TENM2: variants seen among roughly 807,000 people sequenced by gnomAD.
The protein encoded by TENM2 is teneurin-2.
TENM2 carries 52 observed loss-of-function variants against 245.2 expected under a neutral mutation model. That is an observed-to-expected ratio of 0.21 (90% CI 0.17 to 0.27). The LOEUF (loss-of-function observed/expected upper bound fraction) is 0.27. Ranked by LOEUF, TENM2 falls within the 10% of genes least tolerant of loss-of-function variation. The pLI is 1.00. For synonymous variants in TENM2, 1,363 were observed against 1,438.9 expected (o/e 0.95, Z 1.19); for missense variants, 3,046 against 3,666.8 (o/e 0.83, Z 4.37).
intron 2 of TENM2, among the ~76,000 whole-genome samples, chr5:167,594,099 A>G (rs1268371352): frequency 2.6e-5 from 4 of 152,174 alleles, no homozygotes; most frequent in Non-Finnish European, 5.9e-5. Flanking sequence ...AATTGAAGCA[A>G]TTTAAAAATA....
the TENM2 span, among the ~76,000 whole-genome samples, chr5:167,091,471 T>G: frequency 6.6e-6 from 1 of 152,148 alleles, no homozygotes; most frequent in East Asian, 1.9e-4. Context: ...TTGTTTGATG[T>G]CAAATTGTAG....
the TENM2 span, among the ~76,000 whole-genome samples, chr5:167,225,259 C>T: frequency 5.9e-5 from 9 of 152,018 alleles, no homozygotes; most frequent in Admixed American, 5.9e-4. Flanking sequence ...AGAGGAAAAG[C>T]TTTCAACTTT....
intron 2 of TENM2, among the ~76,000 whole-genome samples, chr5:167,704,571 A>G (rs2150455195): frequency 6.6e-6 from 1 of 152,302 alleles, no homozygotes; most frequent in African/African-American, 2.4e-5. Context: ...TACCAATATT[A>G]GGTGGCATGG....
chr5:167,847,167 G>T (rs1770121925), intron 2 of TENM2, among the ~76,000 whole-genome samples: 1 of 152,154 alleles, frequency 6.6e-6, no homozygotes, highest in South Asian at 2.1e-4. Context: ...TGCCCAAGTT[G>T]ATCTTGAACT....
chr5:167,321,799 T>TTTTTTTTTGTTG (rs1361021247), intron 1 of TENM2, among the ~76,000 whole-genome samples: 1 of 19,206 alleles, frequency 5.2e-5, no homozygotes, highest in Non-Finnish European at 1.2e-4. Context: ...TTTTTTTTTT[T>TTTTTTTTTGTTG]TTGGGGGGGG....
At chr5:167,680,206 G>C (rs1049047351) in intron 2 of TENM2, among the ~76,000 whole-genome samples, 1 of 151,854 alleles carries the variant, frequency 6.6e-6, no homozygotes, top group African/African-American at 2.4e-5. Flanking sequence ...ACTGGGCATG[G>C]TGATAAAAAA....
intron 2 of TENM2, among the ~76,000 whole-genome samples, chr5:167,516,792 A>G (rs1410684330): frequency 6.6e-6 from 1 of 152,202 alleles, no homozygotes; most frequent in Non-Finnish European, 1.5e-5. Flanking sequence ...CGGCTTCATT[A>G]AAATTCTGTC....
At chr5:167,228,463 T>C in the TENM2 span, among the ~76,000 whole-genome samples, 1 of 152,092 alleles carries the variant, frequency 6.6e-6, no homozygotes, top group South Asian at 2.1e-4. Flanking sequence ...GGCAAATTTC[T>C]CATTTATATC....
chr5:167,642,044 G>A (rs528045406), intron 2 of TENM2, among the ~76,000 whole-genome samples: 8 of 151,902 alleles, frequency 5.3e-5, no homozygotes, highest in Non-Finnish European at 1.2e-4. Flanking sequence ...TGGAGGCTGA[G>A]GCAGGAGATT....
chr5:167,470,779 T>TA (rs1400498040), intron 2 of TENM2, among the ~76,000 whole-genome samples: 6 of 151,930 alleles, frequency 3.9e-5, no homozygotes, highest in Non-Finnish European at 7.4e-5. Context: ...ACAAGCGAGG[T>TA]AGCCATTTAC....
At chr5:167,469,102 C>G (rs1431869063) in intron 2 of TENM2, among the ~76,000 whole-genome samples, 1 of 152,096 alleles carries the variant, frequency 6.6e-6, no homozygotes, top group Non-Finnish European at 1.5e-5. Flanking sequence ...GTGGGATACG[C>G]TACATGGAGT....
chr5:167,578,558 G>A (rs1774869755), intron 2 of TENM2, among the ~76,000 whole-genome samples: 1 of 152,176 alleles, frequency 6.6e-6, no homozygotes, highest in Non-Finnish European at 1.5e-5. Flanking sequence ...CAGACCCGTG[G>A]TTTAGAAGGT....
intron 2 of TENM2, among the ~76,000 whole-genome samples, chr5:167,813,641 T>C (rs1766811912): frequency 6.6e-6 from 1 of 152,138 alleles, no homozygotes; most frequent in Non-Finnish European, 1.5e-5. Flanking sequence ...CTTCAACCAC[T>C]GGCCCAGTCA....
rs368827267 is a variant in TENM2, at chr5:167,718,179, A to G, written c.503-157807A>G. ...TTGCAAAGTCAAGCTCGGGGGATCT[A>G]TCACCCAATTTATTTTTGTATAAAT... On this transcript the variant is annotated intron_variant, in intron 2 of 28. Coordinates refer to ENST00000518659, the Ensembl canonical transcript of TENM2. Among the ~76,000 whole-genome samples, 8 of 152,286 alleles carry G rather than the reference A, an allele frequency of 5.3e-5. No homozygotes were observed. The South Asian group carries it at 8.3e-4, about 16-fold the overall frequency.
chr5:167,920,478 A>G (rs1235699525), intron 3 of TENM2, among the ~76,000 whole-genome samples: 1 of 150,100 alleles, frequency 6.7e-6, no homozygotes, highest in Non-Finnish European at 1.5e-5. Context: ...AGCTCGTGCC[A>G]CTGTACTGCA....
At chr5:167,140,939 GAGGCAGTGC>G in the TENM2 span, among the ~76,000 whole-genome samples, 6 of 152,194 alleles carry the variant, frequency 3.9e-5, no homozygotes, top group African/African-American at 1.4e-4. Flanking sequence ...AGAGGGTCCT[GAGGCAGTGC>G]TGGGGTATAG....
At chr5:167,126,164 G>C in the TENM2 span, among the ~76,000 whole-genome samples, 1 of 152,142 alleles carries the variant, frequency 6.6e-6, no homozygotes, top group Admixed American at 6.5e-5. Flanking sequence ...TCAAACTTCT[G>C]TAGATATAAG....
rs530348728 is a variant in TENM2, at chr5:167,705,930, C to T, written c.503-170056C>T. The stretch of plus-strand genomic sequence containing the variant: ...TTCTCCAGGTTTATCCATGCTGTTG[C>T]AAATGGCAGGAGTTCCTTCTTTTTC... On this transcript the variant is annotated intron_variant, in intron 2 of 28. Transcript: ENST00000518659. 5.9e-4 allele frequency among the ~76,000 whole-genome samples: 87 copies of T among 147,224 alleles called. 1 individual carries two copies. Among genetic ancestry groups the T allele is most frequent in the African/African-American group, 2.1e-3 (84 of 40,214 alleles).
intron 2 of TENM2, among the ~76,000 whole-genome samples, chr5:167,735,939 A>G (rs927507632): frequency 1.3e-5 from 2 of 152,188 alleles, no homozygotes; most frequent in Admixed American, 1.3e-4. Flanking sequence ...TGTAGCATAT[A>G]CAATCTAGGG....
Sources: gnomAD v4.1 joint callset for allele counts (sites outside exome capture counted in the v4.1 genomes callset) on GRCh38, gnomAD v4.1.1 for gene constraint, MANE v1.5 for transcripts, NCBI Gene and HGNC (gene_info 2026-07-23, HGNC 2026-07-21) for gene names.